Variants in NFASC observed in about 807,000 individuals in gnomAD.
NFASC encodes neurofascin homolog.
In NFASC, 43 loss-of-function variants were observed where a neutral mutation model predicts 147.5. That is an observed-to-expected ratio of 0.29 (90% CI 0.23 to 0.38). NFASC has a LOEUF of 0.38. Ranked by LOEUF, NFASC falls within the 10% of genes least tolerant of loss-of-function variation. NFASC has a pLI of 1.00. For synonymous variants in NFASC, 622 were observed against 665.5 expected, an observed-to-expected ratio of 0.93 and a Z score of 1.01; for missense variants, 1,320 against 1,689.0, an observed-to-expected ratio of 0.78 and a Z score of 3.83.
At chr1:205,009,169 A>G (rs577688608) in intron 27 of NFASC, 1 of 358,504 alleles carries the variant, frequency 2.8e-6, no homozygotes, top group East Asian at 7.2e-5. Flanking sequence ...TCCACCCTGG[A>G]CTCATCCATG....
At position 204,968,455 on chromosome 1, in the gene NFASC, A is replaced by G. The variant is rs146234382; in HGVS notation, c.818+95A>G. ...CTTGTTAATGCCACATTTAGTGCAT[A>G]CCAGTAGCACAGCAAAAAGAGAAGC... On this transcript the variant is annotated intron_variant, in intron 9 of 29. Coordinates refer to ENST00000339876, the MANE Select transcript of NFASC (RefSeq NM_001005388.3). The surrounding 1 kb of genome is among the most constrained non-coding windows in gnomAD (Gnocchi z 5.4). 1.8e-5 allele frequency: 16 copies of G among 872,422 alleles called. No homozygotes were observed. The highest frequency in any genetic ancestry group is 1.8e-4 in the African/African-American group (11 of 60,336). The allele number at this position is 872,422 out of a possible 1,614,324, so 54.0% of individuals were successfully genotyped here.
At chr1:204,973,541 A>C (rs1176580768) in intron 12 of NFASC, 122 bp downstream of exon 12, 2 of 1,255,634 alleles carry the variant, frequency 1.6e-6, no homozygotes, top group Admixed American at 2.4e-5. Flanking sequence ...GGGTGAGGTA[A>C]GAGGATGTTG....
Position 205,010,793 on chromosome 1 carries a change from C to T in NFASC, c.3421+1105C>T, listed in dbSNP as rs1280292199. On this transcript the variant is annotated intron_variant, in intron 28 of 29. Transcript: ENST00000339876. This position sits in a 1 kb window ranked among gnomAD's most constrained non-coding sequence, Gnocchi z 4.1. ...TGGCACGTGCCTATAATCCCAGCTA[C>T]TCAGGAGGCTGAGGCAGGAGAATCA... 1 of 151,536 alleles carries T rather than the reference C, an allele frequency of 6.6e-6. No individual in the cohort carries two copies. Among genetic ancestry groups the T allele is most frequent in the African/African-American group, 2.4e-5 (1 of 41,184 alleles). 9.4% of individuals were successfully genotyped at this position (151,536 alleles called of 1,614,324 possible).
intron 1 of NFASC, among the ~76,000 whole-genome samples, chr1:204,920,088 C>T (rs184446106): frequency 6.6e-6 from 1 of 152,342 alleles, no homozygotes; most frequent in Admixed American, 6.5e-5. Context: ...TTGAGTCACA[C>T]ATAGAGAAGT....
rs2095314229 is a variant in NFASC, at chr1:204,973,376, C to T, written c.1236C>T (p.Asn412=). 10 of 1,614,268 alleles carry T rather than the reference C, an allele frequency of 6.2e-6. No individual in the cohort carries two copies. Among genetic ancestry groups the T allele is most frequent in the African/African-American group, 1.3e-5 (1 of 75,062 alleles). ...CTGTGTACCAGTGCAACACCTCCAA[C>T]GAGCATGGCTACCTGCTGGCCAACG... ...SRAVYQCNTS[N]EHGYLLANAF... The change falls in exon 12 of 30, where the codon AAC becomes AAT. Residue 412 remains asparagine (N), a synonymous_variant. Coordinates refer to ENST00000339876, the MANE Select transcript of NFASC (RefSeq NM_001005388.3).
At chr1:205,008,407 T>TG (rs2096179929) in intron 27 of NFASC, 1 of 152,788 alleles carries the variant, frequency 6.5e-6, no homozygotes, top group African/African-American at 2.4e-5. Context: ...TTGGGGCTCC[T>TG]GCTGTTGTGT....
rs1466699171 is a variant in NFASC at position 204,987,940 on chromosome 1, A to G, written c.2593+400A>G. Among the ~76,000 whole-genome samples the G allele has an allele frequency of 6.6e-6, 1 of 152,118 alleles. No homozygotes were observed. The highest frequency in any genetic ancestry group is 2.4e-5 in the African/African-American group (1 of 41,422). ...TCCACAGTCAGGACACCCCTTGACA[A>G]GATGTCATTTATGATAAGGCAGCTG... On this transcript the variant is annotated intron_variant, in intron 22 of 29. Transcript: ENST00000339876. This position sits in a 1 kb window ranked among gnomAD's most constrained non-coding sequence, Gnocchi z 4.4.
At chr1:204,980,246 A>G (rs2095485830) in intron 19 of NFASC, 124 bp from the exon 20 acceptor site, 3 of 749,882 alleles carry the variant, frequency 4.0e-6, no homozygotes, top group East Asian at 2.7e-5. Context: ...GACCAAGCGT[A>G]TACATAGATG....
At position 204,955,162 on chromosome 1, in the gene NFASC, G is replaced by A. The variant is rs542428975; in HGVS notation, c.535+211G>A. 2.0e-5 allele frequency among the ~76,000 whole-genome samples: 3 copies of A among 152,276 alleles called. No homozygotes were observed. The South Asian group carries it at 6.2e-4, about 32-fold the overall frequency. On this transcript the variant is annotated intron_variant, in intron 7 of 29. Transcript: ENST00000339876. ...GGCTGCTGTGTGATCTTGAGCAAGT[G>A]TGATCTTGAGCAAATTGCTTACATC...
intron 1 of NFASC, among the ~76,000 whole-genome samples, chr1:204,895,526 C>G (rs894926613): frequency 6.6e-6 from 1 of 152,172 alleles, no homozygotes; most frequent in Non-Finnish European, 1.5e-5. Flanking sequence ...CTCATTCACC[C>G]CCTGATTTTT....
chr1:204,885,143 A>C (rs79870056), intron 1 of NFASC, among the ~76,000 whole-genome samples: 5,548 of 152,218 alleles, frequency 0.036, 306 homozygotes, highest in African/African-American at 0.12. Context: ...AAATAAAATA[A>C]ACTGAAAAAG....
intron 2 of NFASC, among the ~76,000 whole-genome samples, chr1:204,933,279 G>C (rs974770456): frequency 6.6e-6 from 1 of 152,192 alleles, no homozygotes; most frequent in Admixed American, 6.5e-5. Context: ...GTATGTGAAA[G>C]GTGAGATGGG....
chr1:204,869,164 C>T (rs2102969024), intron 1 of NFASC, among the ~76,000 whole-genome samples: 1 of 152,212 alleles, frequency 6.6e-6, no homozygotes, highest in South Asian at 2.1e-4. Flanking sequence ...GGTGGGAGTG[C>T]GGGTTGTTGA....
intron 1 of NFASC, among the ~76,000 whole-genome samples, chr1:204,900,661 G>T (rs1201585387): frequency 6.6e-6 from 1 of 152,140 alleles, no homozygotes; most frequent in Non-Finnish European, 1.5e-5. Flanking sequence ...AATTAAGCAG[G>T]CAGGGGAGAC....
intron 8 of NFASC, 40 bp downstream of exon 8, chr1:204,957,866 A>C (rs369080694): frequency 1.9e-6 from 3 of 1,600,300 alleles, no homozygotes; most frequent in South Asian, 1.1e-5. Context: ...GGGCCAAAGA[A>C]AGAAGCCCAC....
At chr1:205,011,213 C>CCCCCA (rs530040240) in intron 28 of NFASC, among the ~76,000 whole-genome samples, 12 of 151,730 alleles carry the variant, frequency 7.9e-5, no homozygotes, top group African/African-American at 2.9e-4. Context: ...CAGGACCCCC[C>CCCCCA]CCAAAACTCA....
At chr1:204,974,450 C>A in intron 13 of NFASC, 160 bp downstream of exon 13, 2 of 809,654 alleles carry the variant, frequency 2.5e-6, no homozygotes, top group Non-Finnish European at 2.0e-6. Flanking sequence ...CCTCATTGTA[C>A]AGAATGGGAA....
Position 205,019,317 on chromosome 1 carries a change from G to A in NFASC, c.*2778G>A, listed in dbSNP as rs555336193. 2 of 152,362 alleles carry A rather than the reference G, an allele frequency of 1.3e-5. No individual in the cohort carries two copies. The highest frequency in any genetic ancestry group is 1.9e-4 in the East Asian group (1 of 5,180). The allele number at this position is 152,362 out of a possible 1,614,324, so 9.4% of individuals were successfully genotyped here. A position where few individuals can be genotyped will look rare whatever the true frequency, so the allele number is the denominator to read the frequency against. On this transcript the variant is annotated 3_prime_UTR_variant, in exon 30 of 30. Coordinates refer to ENST00000339876, the MANE Select transcript of NFASC (RefSeq NM_001005388.3). ...AACTACCCCAAGACATACCAACAGT[G>A]AAGCCAGGACAGCACCATGCCATCG...
At chr1:204,902,149 G>T (rs1316957653) in intron 1 of NFASC, among the ~76,000 whole-genome samples, 1 of 152,162 alleles carries the variant, frequency 6.6e-6, no homozygotes, top group Non-Finnish European at 1.5e-5. Flanking sequence ...TTAAAAATTA[G>T]TTGGGCATGG....
Sources: gnomAD v4.1 joint callset for allele counts (sites outside exome capture counted in the v4.1 genomes callset) on GRCh38, gnomAD v4.1.1 for gene constraint, Gnocchi (gnomAD v3.1) non-coding constraint, MANE v1.5 for transcripts, NCBI Gene and HGNC (gene_info 2026-07-23, HGNC 2026-07-21) for gene names.